Variants in LRP2BP observed in about 807,000 individuals in gnomAD.
LRP2BP encodes the protein LRP2 binding protein.
Under a neutral mutation model 45.2 loss-of-function variants are expected in LRP2BP, and 38 were observed. The observed-to-expected ratio is 0.84, with a 90% CI of 0.65 to 1.10. The LOEUF is 1.10. Ranked by LOEUF, LRP2BP falls within the 50% of genes least tolerant of loss-of-function variation. LRP2BP has a pLI of 0.00. For synonymous variants in LRP2BP, 153 were observed against 153.9 expected (o/e 0.99, Z 0.04); for missense variants, 385 against 418.9 (o/e 0.92, Z 0.71).
upstream of LRP2BP, chr4:185,396,033 A>C (rs1580028935): frequency 4.6e-6 from 2 of 432,138 alleles, no homozygotes; most frequent in East Asian, 3.2e-4. Flanking sequence ...CGGCTTCACC[A>C]GCCCCGCGGG....
intron 1 of LRP2BP, among the ~76,000 whole-genome samples, chr4:185,382,056 A>G (rs1362932889): frequency 1.3e-5 from 2 of 152,150 alleles, no homozygotes; most frequent in African/African-American, 2.4e-5. Context: ...CCTGGCAAAC[A>G]CTAATCTACT....
rs1259892367 is a variant in LRP2BP at position 185,385,903 on chromosome 4, G to GGA, written c.-21-7698_-21-7697dup. On this transcript the variant is annotated intron_variant, in intron 1 of 8. Transcript: ENST00000505916. The stretch of plus-strand genomic sequence containing the variant: ...GTGACAGAGCAAGACTCTGTCTCGG[G>GGA]GAGGGGGGGGGGGAGATAAAGAAAT... Among the ~76,000 whole-genome samples the GGA allele has an allele frequency of 7.1e-4, 37 of 52,328 alleles. 1 individual carries two copies. Among genetic ancestry groups the GGA allele is most frequent in the African/African-American group, 1.6e-3 (35 of 22,492 alleles). The allele number at this position is 52,328 out of a possible 152,430, so 34.3% of individuals were successfully genotyped here. A position where few individuals can be genotyped will look rare whatever the true frequency, so the allele number is the denominator to read the frequency against.
At chr4:185,396,877 A>G (rs771521687), upstream of LRP2BP, 3 of 1,606,210 alleles carry the variant, frequency 1.9e-6, no homozygotes, top group Non-Finnish European at 2.6e-6. Context: ...CGAGTGTCTC[A>G]CCTCTCTGCA....
At chr4:185,386,846 G>C (rs757002405) in intron 1 of LRP2BP, among the ~76,000 whole-genome samples, 1 of 152,196 alleles carries the variant, frequency 6.6e-6, no homozygotes, top group Admixed American at 6.5e-5. Flanking sequence ...CTGAGCTGAG[G>C]ACAGAGGCAA....
chr4:185,384,476 G>C (rs1417300675), intron 1 of LRP2BP, among the ~76,000 whole-genome samples: 1 of 151,980 alleles, frequency 6.6e-6, no homozygotes, highest in Non-Finnish European at 1.5e-5. Flanking sequence ...AAGTTTCTGG[G>C]TTTTTAAAAT....
rs184390751 is a variant in LRP2BP at position 185,388,999 on chromosome 4, C to T, written c.-22+5780G>A. Among the ~76,000 whole-genome samples the T allele has an allele frequency of 4.1e-4, 63 of 151,980 alleles. 1 individual carries two copies. The highest frequency in any genetic ancestry group is 2.3e-3 in the Admixed American group (35 of 15,278). ...CAAGCAATTCTCCTGCTTGAATCAG[C>T]CTCCCAAGTAGCTGGGATTACAAGT... On this transcript the variant is annotated intron_variant, in intron 1 of 8. Transcript: ENST00000505916.
intron 1 of LRP2BP, among the ~76,000 whole-genome samples, chr4:185,384,944 T>G (rs1434778766): frequency 1.4e-5 from 2 of 147,576 alleles, no homozygotes; most frequent in African/African-American, 5.0e-5. Flanking sequence ...GTTTGTGTGT[T>G]TAAAACAAAA....
intron 1 of LRP2BP, among the ~76,000 whole-genome samples, chr4:185,389,880 T>C (rs1422716549): frequency 1.3e-5 from 2 of 152,110 alleles, no homozygotes; most frequent in Non-Finnish European, 2.9e-5. Context: ...AAAAATACCA[T>C]GTGCACTTTA....
At chr4:185,373,123 A>T (rs771239693) in intron 6 of LRP2BP, 44 bp from the exon 7 acceptor site, 1 of 1,524,926 alleles carries the variant, frequency 6.6e-7, no homozygotes, top group African/African-American at 1.4e-5. Context: ...GATCCACTAG[A>T]TGAAATTATA....
At chr4:185,368,600 C>T (rs1327978504) in intron 8 of LRP2BP, among the ~76,000 whole-genome samples, 1 of 152,186 alleles carries the variant, frequency 6.6e-6, no homozygotes, top group African/African-American at 2.4e-5. Flanking sequence ...GATATCATTC[C>T]AGACCCTTCA....
chr4:185,379,148 A>G (rs6835653), intron 1 of LRP2BP: 30,630 of 195,238 alleles, frequency 0.16, 2,883 homozygotes, highest in African/African-American at 0.26. Flanking sequence ...AAGTTGGACT[A>G]TAAGTGGTCT....
chr4:185,372,756 C>T (rs1358796378), intron 7 of LRP2BP, 100 bp downstream of exon 7: 16 of 1,018,624 alleles, frequency 1.6e-5, no homozygotes, highest in Non-Finnish European at 2.2e-5. Context: ...GCAGCCCTCT[C>T]CTGGCCTCTG....
rs115633768 is a variant in LRP2BP, at chr4:185,394,372, T to C, written c.-22+407A>G. On this transcript the variant is annotated intron_variant, in intron 1 of 8. Transcript: ENST00000505916. The stretch of plus-strand genomic sequence containing the variant: ...TATTTAAAACACATAGGTATAAGAA[T>C]GTGGGCTCTGGAGTCAAACTGACTT... Among the ~76,000 whole-genome samples, 1,292 of 151,686 alleles carry C rather than the reference T, an allele frequency of 8.5e-3. 20 individuals are homozygous for C. The highest frequency in any genetic ancestry group is 0.03 in the African/African-American group (1,247 of 41,382).
chr4:185,372,834 C>T (rs2095420444), intron 7 of LRP2BP, 22 bp downstream of exon 7: 2 of 1,559,762 alleles, frequency 1.3e-6, no homozygotes, highest in African/African-American at 2.7e-5. Context: ...TACAGCAGCA[C>T]AGAACAGACA....
chr4:185,371,095 A>G (rs548172094), intron 7 of LRP2BP: 38 of 301,242 alleles, frequency 1.3e-4, no homozygotes, highest in African/African-American at 7.0e-4. Flanking sequence ...TAATATTACT[A>G]CTGGAAGTTT....
In LRP2BP at chr4:185,365,216, A is replaced by T. The variant is rs2095382528; in HGVS notation, c.*1964T>A. 6.6e-6 allele frequency: 1 copy of T among 152,214 alleles called. No individual in the cohort carries two copies. The highest frequency in any genetic ancestry group is 1.5e-5 in the Non-Finnish European group (1 of 68,038). The allele number at this position is 152,214 out of a possible 1,614,324, so 9.4% of individuals were successfully genotyped here. On this transcript the variant is annotated 3_prime_UTR_variant, in exon 9 of 9. Coordinates refer to ENST00000505916, the MANE Select transcript of LRP2BP (RefSeq NM_001377440.1). Reference sequence around the variant, plus strand: ...AAATTTTAAATTCTGCATTGGATTTATAGAAGACATATAAGCATAGCATGT... The same window carrying T: ...AAATTTTAAATTCTGCATTGGATTTTTAGAAGACATATAAGCATAGCATGT...
At chr4:185,396,742 A>C, upstream of LRP2BP, 2 of 652,262 alleles carry the variant, frequency 3.1e-6, no homozygotes. Context: ...GTCGTTGAGG[A>C]TTAGGCTGCT....
At position 185,376,890 on chromosome 4, in the gene LRP2BP, A is replaced by T; in HGVS notation, c.216+19T>A. 1 of 1,562,298 alleles carries T rather than the reference A, an allele frequency of 6.4e-7. No individual in the cohort carries two copies. Among genetic ancestry groups the T allele is most frequent in the Non-Finnish European group, 8.8e-7 (1 of 1,135,008 alleles). On this transcript the variant is annotated intron_variant, in intron 3 of 8. Transcript: ENST00000505916. The stretch of plus-strand genomic sequence containing the variant: ...AACAGAATTACAGGAAATGAAAACG[A>T]ATAAACAAAAAATGATACCTCTTCA...
intron 1 of LRP2BP, among the ~76,000 whole-genome samples, chr4:185,391,638 T>C (rs2095488675): frequency 6.6e-6 from 1 of 152,134 alleles, no homozygotes; most frequent in South Asian, 2.1e-4. Context: ...AGCTCCTGGG[T>C]CCCTTTCACA....
Sources: allele counts gnomAD v4.1 joint callset (sites outside exome capture counted in the v4.1 genomes callset), GRCh38; gene constraint gnomAD v4.1.1; transcripts MANE v1.5; gene names NCBI Gene and HGNC (gene_info 2026-07-23, HGNC 2026-07-21).